The following APPBP2 variants were observed in gnomAD, a reference collection of about 807,000 sequenced individuals.
APPBP2 encodes the protein amyloid beta precursor protein binding protein 2, also known as amyloid protein-binding protein 2.
Under a neutral mutation model 76.0 loss-of-function variants are expected in APPBP2, and 15 were observed. That is an observed-to-expected ratio of 0.20 (90% confidence interval 0.13 to 0.30). APPBP2 has a LOEUF of 0.30. Ranked by LOEUF, APPBP2 falls within the 10% of genes least tolerant of loss-of-function variation. The pLI, the probability that APPBP2 is intolerant of heterozygous loss-of-function variation, is 1.00. For missense variants in APPBP2, 401 were observed against 687.2 expected (o/e 0.58, Z 4.66); for synonymous variants, 222 against 242.2 (o/e 0.92, Z 0.77).
intron 9 of APPBP2, among the ~76,000 whole-genome samples, chr17:60,459,152 A>G (rs1036558082): frequency 5.3e-5 from 8 of 152,042 alleles, no homozygotes; most frequent in Non-Finnish European, 1.0e-4. Flanking sequence ...ATATTTCCTT[A>G]TGTTTTGTAA....
intron 1 of APPBP2, 58 bp downstream of exon 1, chr17:60,525,735 AG>A: frequency 6.2e-7 from 1 of 1,607,398 alleles, no homozygotes. Flanking sequence ...CAGACGTGGA[AG>A]GGGGTGCGGC....
chr17:60,497,723 T>G (rs1256949069), intron 2 of APPBP2, among the ~76,000 whole-genome samples: 1 of 152,192 alleles, frequency 6.6e-6, no homozygotes, highest in Non-Finnish European at 1.5e-5. Context: ...GAATAAATGC[T>G]AACAACTTGG....
intron 9 of APPBP2, among the ~76,000 whole-genome samples, chr17:60,459,072 A>G (rs1362411557): frequency 3.6e-4 from 54 of 152,014 alleles, no homozygotes; most frequent in Non-Finnish European, 1.6e-4. Flanking sequence ...CGCCCAGCCA[A>G]AAAAAAGTTC....
chr17:60,488,188 G>C (rs1475796727), intron 3 of APPBP2, among the ~76,000 whole-genome samples: 1 of 152,210 alleles, frequency 6.6e-6, no homozygotes, highest in African/African-American at 2.4e-5. Context: ...ACCCACTTGA[G>C]GAGGCAGTCT....
At chr17:60,483,459 T>C (rs1598358811) in intron 3 of APPBP2, among the ~76,000 whole-genome samples, 3 of 152,272 alleles carry the variant, frequency 2.0e-5, no homozygotes, top group Admixed American at 2.0e-4. Flanking sequence ...AGTAGCGCAA[T>C]CTCGGCTCAC....
intron 4 of APPBP2, among the ~76,000 whole-genome samples, chr17:60,475,572 C>G (rs1473416459): frequency 6.6e-6 from 1 of 151,434 alleles, no homozygotes; most frequent in Non-Finnish European, 1.5e-5. Flanking sequence ...CTTCTAGCTT[C>G]TAATTTCTAT....
chr17:60,452,096 A>G (rs2090399580), intron 11 of APPBP2, 51 bp from the exon 12 acceptor site: 2 of 1,575,240 alleles, frequency 1.3e-6, no homozygotes, highest in African/African-American at 2.7e-5. Flanking sequence ...TCATCTTAAC[A>G]GTTCTTACTC....
intron 2 of APPBP2, 74 bp from the exon 3 acceptor site, chr17:60,494,691 C>T: frequency 7.8e-7 from 1 of 1,285,570 alleles, no homozygotes; most frequent in African/African-American, 1.5e-5. Context: ...AACTGCTTCT[C>T]TTTTAAATAA....
chr17:60,519,489 A>G (rs1242932944), intron 1 of APPBP2, among the ~76,000 whole-genome samples: 1 of 149,450 alleles, frequency 6.7e-6, no homozygotes, highest in Non-Finnish European at 1.5e-5. Flanking sequence ...TATCTCCTAC[A>G]GAAAGGAGAA....
At chr17:60,525,729 CG>C (rs2091048184) in intron 1 of APPBP2, 64 bp downstream of exon 1, 16 of 1,604,900 alleles carry the variant, frequency 1.0e-5, no homozygotes, top group Non-Finnish European at 1.0e-5. Context: ...GGTTCGCAGA[CG>C]TGGAAGGGGG....
At chr17:60,505,465 G>A (rs2090859045) in intron 1 of APPBP2, among the ~76,000 whole-genome samples, 1 of 152,110 alleles carries the variant, frequency 6.6e-6, no homozygotes, top group South Asian at 2.1e-4. Context: ...ACAGGCGCCT[G>A]CCACCATGGC....
At chr17:60,491,858 G>C (rs770370925) in intron 3 of APPBP2, among the ~76,000 whole-genome samples, 2 of 152,204 alleles carry the variant, frequency 1.3e-5, no homozygotes, top group Non-Finnish European at 2.9e-5. Flanking sequence ...GCTGGCAGCA[G>C]AAATTTGCAT....
chr17:60,460,431 C>T (rs1486339894), intron 9 of APPBP2: 10 of 251,384 alleles, frequency 4.0e-5, no homozygotes, highest in Non-Finnish European at 7.4e-5. Context: ...TCCACCTCAG[C>T]CTCCCAAAGT....
At chr17:60,484,189 T>A (rs987517400) in intron 3 of APPBP2, among the ~76,000 whole-genome samples, 3 of 152,204 alleles carry the variant, frequency 2.0e-5, no homozygotes, top group African/African-American at 7.2e-5. Flanking sequence ...TCTTTTGGCT[T>A]AGGATTGGCT....
intron 5 of APPBP2, 81 bp downstream of exon 5, chr17:60,466,210 A>G: frequency 7.5e-7 from 1 of 1,331,524 alleles, no homozygotes; most frequent in South Asian, 1.4e-5. Context: ...CTGTAAGAAA[A>G]ATAAGAGAAG....
chr17:60,508,379 G>A (rs923645567), intron 1 of APPBP2, among the ~76,000 whole-genome samples: 1 of 151,986 alleles, frequency 6.6e-6, no homozygotes, highest in Non-Finnish European at 1.5e-5. Context: ...ACACAGAAAG[G>A]CTGGATATAT....
intron 6 of APPBP2, among the ~76,000 whole-genome samples, chr17:60,463,441 G>A (rs1025850192): frequency 6.6e-6 from 1 of 152,106 alleles, no homozygotes; most frequent in African/African-American, 2.4e-5. Context: ...AGGTGTTTGA[G>A]ACCGGCCAGG....
At chr17:60,520,851 C>T (rs2143507105) in intron 1 of APPBP2, among the ~76,000 whole-genome samples, 1 of 152,226 alleles carries the variant, frequency 6.6e-6, no homozygotes, top group East Asian at 1.9e-4. Context: ...TGTGAGCTAC[C>T]ACACCTGGCC....
At chr17:60,506,201 T>G (rs998210931) in intron 1 of APPBP2, among the ~76,000 whole-genome samples, 119 of 151,564 alleles carry the variant, frequency 7.9e-4, no homozygotes, top group African/African-American at 2.6e-3. Flanking sequence ...CTATGTTGCC[T>G]AGCCTGGTGT....
Sources: allele counts gnomAD v4.1 joint callset (sites outside exome capture counted in the v4.1 genomes callset), GRCh38; gene constraint gnomAD v4.1.1; transcripts MANE v1.5; gene names NCBI Gene and HGNC (gene_info 2026-07-23, HGNC 2026-07-21).